The following SAMD12 variants were observed in gnomAD, a reference collection of about 807,000 sequenced individuals.
SAMD12 encodes sterile alpha motif domain-containing protein 12.
A neutral mutation model predicts 15.0 loss-of-function variants in SAMD12; 9 were observed. That is an observed-to-expected ratio of 0.60 (90% CI 0.36 to 1.05). SAMD12 has a LOEUF of 1.05. SAMD12 is among the 50% of genes least tolerant of loss of function. The pLI is 0.01. For synonymous variants in SAMD12, 86 were observed against 90.1 expected, an observed-to-expected ratio of 0.96 and a Z score of 0.25; for missense variants, 230 against 234.2, an observed-to-expected ratio of 0.98 and a Z score of 0.12.
At position 118,481,687 on chromosome 8, in the gene SAMD12, C is replaced by T. The variant is rs188195642; in HGVS notation, c.193-41726G>A. ...GATTTAAAAATGGTTGATCATAATC[C>T]CATCCTTCAATGATCTTATAAATGT... On this transcript the variant is annotated intron_variant, in intron 2 of 3. Transcript: ENST00000314727. 2.5e-4 allele frequency among the ~76,000 whole-genome samples: 38 copies of T among 151,950 alleles called. No homozygotes were observed. In the East Asian group the frequency reaches 5.2e-3, roughly 21 times the overall value.
At chr8:118,507,531 G>A (rs951638672) in intron 2 of SAMD12, among the ~76,000 whole-genome samples, 5 of 152,046 alleles carry the variant, frequency 3.3e-5, no homozygotes, top group African/African-American at 4.8e-5. Context: ...AGAAAGGCTA[G>A]GTAATTTGTT....
intron 1 of SAMD12, among the ~76,000 whole-genome samples, chr8:118,604,951 A>T (rs1827950857): frequency 6.6e-6 from 1 of 152,116 alleles, no homozygotes. Flanking sequence ...AAATAAATAA[A>T]TAAAATGTCA....
intron 3 of SAMD12, among the ~76,000 whole-genome samples, chr8:118,428,507 T>C (rs929522265): frequency 6.6e-6 from 1 of 152,224 alleles, no homozygotes; most frequent in Non-Finnish European, 1.5e-5. Flanking sequence ...ACATATATAA[T>C]AATTCCTTGC....
chr8:118,445,998 T>C (rs935241966), intron 2 of SAMD12, among the ~76,000 whole-genome samples: 2 of 152,192 alleles, frequency 1.3e-5, no homozygotes, highest in African/African-American at 4.8e-5. Flanking sequence ...GAATGGATTA[T>C]CGAAGCCTAA....
In SAMD12 at chr8:118,230,441, G is replaced by T. The variant is rs142717646; in HGVS notation, c.434-32709C>A. ...CTACTGATTCCTAAACAATCCAGAG[G>T]ACATATGAAATCAGAATTGCTAGAG... is the stretch of plus-strand genomic sequence containing the variant. On this transcript the variant is annotated intron_variant, in intron 4 of 4. Transcript: ENST00000409003. 8.1e-4 allele frequency among the ~76,000 whole-genome samples: 124 copies of T among 152,188 alleles called. 3 individuals carry two copies. The East Asian group carries it at 0.022, about 27-fold the overall frequency.
At chr8:118,558,793 G>A (rs916492195) in intron 2 of SAMD12, among the ~76,000 whole-genome samples, 1 of 152,010 alleles carries the variant, frequency 6.6e-6, no homozygotes, top group Non-Finnish European at 1.5e-5. Flanking sequence ...TCCTGACCTC[G>A]CGATCCACCC....
At chr8:118,454,203 AT>A (rs1823170864) in intron 2 of SAMD12, among the ~76,000 whole-genome samples, 1 of 152,218 alleles carries the variant, frequency 6.6e-6, no homozygotes. Context: ...TTCACATTTG[AT>A]TGATAAAATG....
At chr8:118,450,592 T>C (rs1274216662) in intron 2 of SAMD12, among the ~76,000 whole-genome samples, 1 of 152,216 alleles carries the variant, frequency 6.6e-6, no homozygotes, top group Non-Finnish European at 1.5e-5. Flanking sequence ...AAAATTGTTA[T>C]TGATCATCAT....
At chr8:118,310,668 CAGAG>C (rs1382792136) in intron 4 of SAMD12, among the ~76,000 whole-genome samples, 1 of 152,136 alleles carries the variant, frequency 6.6e-6, no homozygotes, top group Non-Finnish European at 1.5e-5. Flanking sequence ...CTTGTTGAGG[CAGAG>C]AGAGAGTTGC....
intron 2 of SAMD12, among the ~76,000 whole-genome samples, chr8:118,525,505 G>C (rs1242352457): frequency 3.3e-5 from 5 of 152,130 alleles, no homozygotes; most frequent in Non-Finnish European, 7.4e-5. Context: ...GCAGTGTCTG[G>C]CCCATCATAG....
exon 5 of SAMD12, chr8:118,191,495 T>A (rs1442475498): frequency 6.6e-6 from 1 of 151,680 alleles, no homozygotes; most frequent in Admixed American, 6.6e-5. Context: ...CAAACATGAA[T>A]TTCCTACCCC....
chr8:118,217,144 C>T (rs1359932953), intron 4 of SAMD12, among the ~76,000 whole-genome samples: 1 of 152,176 alleles, frequency 6.6e-6, no homozygotes, highest in East Asian at 1.9e-4. Flanking sequence ...GCTGGGACTA[C>T]AGATGCACAC....
Position 118,540,630 on chromosome 8 carries a change from C to G in SAMD12, c.192+40085G>C, listed in dbSNP as rs541582195. On this transcript the variant is annotated intron_variant, in intron 2 of 3. Coordinates refer to ENST00000314727, the MANE Select transcript of SAMD12 (RefSeq NM_207506.3). Reference sequence around the variant, plus strand: ...ATCAGAGGAATTAAATAAACTGCTGCTGTTGCCACTATTGATGTTACATAA... The same window carrying G: ...ATCAGAGGAATTAAATAAACTGCTGGTGTTGCCACTATTGATGTTACATAA... Among the ~76,000 whole-genome samples, 4 of 152,214 alleles carry G rather than the reference C, an allele frequency of 2.6e-5. No individual in the cohort carries two copies. In the East Asian group the frequency reaches 7.7e-4, roughly 29 times the overall value.
At chr8:118,506,782 T>C (rs1014101037) in intron 2 of SAMD12, among the ~76,000 whole-genome samples, 2 of 150,594 alleles carry the variant, frequency 1.3e-5, no homozygotes, top group Non-Finnish European at 2.9e-5. Context: ...TCAAACATAA[T>C]GGCTTCTCAT....
In SAMD12 at chr8:118,284,743, C is replaced by G. The variant is rs993787964; in HGVS notation, c.434-87011G>C. 8.9e-5 allele frequency: 15 copies of G among 168,166 alleles called. 2 individuals are homozygous for G. The South Asian group carries it at 2.1e-3, about 24-fold the overall frequency. The allele number at this position is 168,166 out of a possible 1,614,324, so 10.4% of individuals were successfully genotyped here. A position where few individuals can be genotyped will look rare whatever the true frequency, so the allele number is the denominator to read the frequency against. On this transcript the variant is annotated intron_variant, in intron 4 of 4. Transcript: ENST00000409003. ...AGATCACGAGGTCAGGAGATCGAGA[C>G]CATCCTGGCTAACACGGTGAAACCC...
At chr8:118,566,492 A>G (rs1826855535) in intron 2 of SAMD12, among the ~76,000 whole-genome samples, 1 of 152,186 alleles carries the variant, frequency 6.6e-6, no homozygotes, top group African/African-American at 2.4e-5. Flanking sequence ...CTTGCTCAAC[A>G]TAGTTTTTAC....
At chr8:118,569,986 TG>T (rs1397813914) in intron 2 of SAMD12, among the ~76,000 whole-genome samples, 1 of 152,192 alleles carries the variant, frequency 6.6e-6, no homozygotes, top group African/African-American at 2.4e-5. Flanking sequence ...TCAGTTTAAG[TG>T]AGGAGTTCCT....
At chr8:118,535,294 A>T (rs896870946) in intron 2 of SAMD12, among the ~76,000 whole-genome samples, 3 of 152,160 alleles carry the variant, frequency 2.0e-5, no homozygotes, top group Non-Finnish European at 2.9e-5. Flanking sequence ...TTGCTGCCTG[A>T]TCGTTCCTCT....
Position 118,379,182 on chromosome 8 carries a change from T to C in SAMD12, c.*235A>G, listed in dbSNP as rs1819537090. 1 of 1,251,016 alleles carries C rather than the reference T, an allele frequency of 8.0e-7. No homozygotes were observed. Among genetic ancestry groups the C allele is most frequent in the Non-Finnish European group, 1.0e-6 (1 of 994,406 alleles). The allele number at this position is 1,251,016 out of a possible 1,614,324, so 77.5% of individuals were successfully genotyped here. A position where few individuals can be genotyped will look rare whatever the true frequency, so the allele number is the denominator to read the frequency against. On this transcript the variant is annotated 3_prime_UTR_variant, in exon 4 of 4. Transcript: ENST00000314727. ...CCCTCACAATTGGCGCAGGTGAAGA[T>C]AGCTACAGCTGGACTGTACAGTTGT...
Sources: allele counts gnomAD v4.1 joint callset (sites outside exome capture counted in the v4.1 genomes callset), GRCh38; gene constraint gnomAD v4.1.1; transcripts MANE v1.5; gene names NCBI Gene and HGNC (gene_info 2026-07-23, HGNC 2026-07-21).